Variants in LUZP2 observed in about 807,000 individuals in gnomAD.
LUZP2 encodes leucine zipper protein 2.
LUZP2 carries 52 observed loss-of-function variants against 51.6 expected under a neutral mutation model. The ratio of observed to expected loss-of-function variants is 1.01; its 90% CI spans 0.81 to 1.27. The LOEUF (loss-of-function observed/expected upper bound fraction) is 1.27. Ranked by LOEUF, LUZP2 falls within the 50% of genes most tolerant of loss-of-function variation. LUZP2 has a pLI of 0.00. For missense variants in LUZP2, 436 were observed against 395.4 expected, an observed-to-expected ratio of 1.10 and a Z score of -0.87; for synonymous variants, 154 against 137.3, an observed-to-expected ratio of 1.12 and a Z score of -0.85.
chr11:24,696,822 A>G (rs1266734374), intron 1 of LUZP2, among the ~76,000 whole-genome samples: 1 of 152,076 alleles, frequency 6.6e-6, no homozygotes, highest in Non-Finnish European at 1.5e-5. Context: ...AAAAAAAAAC[A>G]TGAGATTGGG....
intron 5 of LUZP2, among the ~76,000 whole-genome samples, chr11:24,778,067 A>G (rs1448748729): frequency 6.6e-6 from 1 of 152,070 alleles, no homozygotes; most frequent in African/African-American, 2.4e-5. Flanking sequence ...TAACTCATAG[A>G]AATGAGAGTT....
intron 5 of LUZP2, among the ~76,000 whole-genome samples, chr11:24,875,947 GTTGT>G (rs1401496662): frequency 1.2e-3 from 180 of 150,882 alleles, no homozygotes; most frequent in African/African-American, 4.2e-3. Flanking sequence ...TTTTGATGGG[GTTGT>G]TTGTTTTTTT....
chr11:24,713,268 T>C (rs1857907428), intron 1 of LUZP2, among the ~76,000 whole-genome samples: 1 of 152,166 alleles, frequency 6.6e-6, no homozygotes, highest in South Asian at 2.1e-4. Context: ...TATGATTTTC[T>C]TGTGGGCAGG....
intron 1 of LUZP2, among the ~76,000 whole-genome samples, chr11:24,562,539 C>T (rs1852079383): frequency 6.6e-6 from 1 of 151,618 alleles, no homozygotes; most frequent in Admixed American, 6.6e-5. Context: ...AGGGTAAGGA[C>T]CCATTAAATA....
At chr11:24,945,535 A>G (rs1047327563) in intron 7 of LUZP2, among the ~76,000 whole-genome samples, 2 of 145,308 alleles carry the variant, frequency 1.4e-5, no homozygotes, top group African/African-American at 5.1e-5. Context: ...TTTTTTTTCC[A>G]GTCCTACCTT....
At chr11:24,858,103 A>G (rs980174259) in intron 5 of LUZP2, among the ~76,000 whole-genome samples, 1 of 151,904 alleles carries the variant, frequency 6.6e-6, no homozygotes, top group Non-Finnish European at 1.5e-5. Flanking sequence ...CCCAGGGGGG[A>G]AGGAAAAAGC....
intron 1 of LUZP2, among the ~76,000 whole-genome samples, chr11:24,572,429 T>C (rs1852474539): frequency 6.6e-6 from 1 of 151,990 alleles, no homozygotes; most frequent in Non-Finnish European, 1.5e-5. Flanking sequence ...CTCCAAAGAC[T>C]CATTAGAGTT....
chr11:25,030,940 A>ATATGTATTATATATATAATATATAT (rs1565254696), intron 9 of LUZP2, among the ~76,000 whole-genome samples: 23 of 2,066 alleles, frequency 0.011, no homozygotes, highest in African/African-American at 0.044. Flanking sequence ...AATATATATT[A>ATATGTATTATATATATAATATATAT]TATATATTAT....
At chr11:24,950,246 A>T (rs1253771370) in intron 7 of LUZP2, among the ~76,000 whole-genome samples, 1 of 151,544 alleles carries the variant, frequency 6.6e-6, no homozygotes, top group African/African-American at 2.4e-5. Flanking sequence ...TGGATGAAGG[A>T]ATAAAAGAAA....
intron 9 of LUZP2, among the ~76,000 whole-genome samples, chr11:24,995,503 G>C (rs1364366223): frequency 6.6e-6 from 1 of 151,968 alleles, no homozygotes; most frequent in Non-Finnish European, 1.5e-5. Context: ...TCTTTCATCA[G>C]TATAAATTTA....
At chr11:24,545,108 C>G (rs921929905) in intron 1 of LUZP2, among the ~76,000 whole-genome samples, 1 of 149,496 alleles carries the variant, frequency 6.7e-6, no homozygotes, top group African/African-American at 2.4e-5. Flanking sequence ...CTGTTCATGT[C>G]CTTTGCCCAC....
intron 1 of LUZP2, among the ~76,000 whole-genome samples, chr11:24,637,623 C>T (rs1338671482): frequency 6.6e-6 from 1 of 151,696 alleles, no homozygotes; most frequent in Non-Finnish European, 1.5e-5. Context: ...TATGAACGGC[C>T]GCTCTAGGGG....
chr11:24,686,223 C>CA (rs56907734), intron 1 of LUZP2, among the ~76,000 whole-genome samples: 12,976 of 148,246 alleles, frequency 0.088, 848 homozygotes, highest in African/African-American at 0.19. Flanking sequence ...GTGAACTCTG[C>CA]AAAAAAAAAA....
At chr11:24,568,474 A>G (rs1450791096) in intron 1 of LUZP2, among the ~76,000 whole-genome samples, 1 of 152,008 alleles carries the variant, frequency 6.6e-6, no homozygotes, top group Non-Finnish European at 1.5e-5. Context: ...AAATTAATCT[A>G]TTAGGCAGAT....
intron 7 of LUZP2, among the ~76,000 whole-genome samples, chr11:24,964,200 C>G (rs1179894773): frequency 6.6e-6 from 1 of 152,122 alleles, no homozygotes; most frequent in East Asian, 1.9e-4. Flanking sequence ...AATTACTTAT[C>G]TCTTAGGATT....
chr11:24,568,824 C>T (rs1852332818), intron 1 of LUZP2, among the ~76,000 whole-genome samples: 1 of 151,874 alleles, frequency 6.6e-6, no homozygotes, highest in Admixed American at 6.6e-5. Context: ...TGTTAATTTT[C>T]TTTATTTGAT....
chr11:24,950,527 A>T (rs1297530073), intron 7 of LUZP2, among the ~76,000 whole-genome samples: 2 of 151,588 alleles, frequency 1.3e-5, no homozygotes, highest in African/African-American at 4.8e-5. Flanking sequence ...ATTATGAGGC[A>T]TGCAACCTCT....
At chr11:24,667,828 C>T (rs1856267213) in intron 1 of LUZP2, among the ~76,000 whole-genome samples, 1 of 152,200 alleles carries the variant, frequency 6.6e-6, no homozygotes, top group Non-Finnish European at 1.5e-5. Flanking sequence ...GAATTGACCC[C>T]TCAGCAATGA....
intron 5 of LUZP2, among the ~76,000 whole-genome samples, chr11:24,875,877 G>GT (rs1852242899): frequency 6.6e-6 from 1 of 151,922 alleles, no homozygotes; most frequent in African/African-American, 2.4e-5. Flanking sequence ...TTTTTCATGT[G>GT]TTTTTTGGCT....
Sources: allele counts gnomAD v4.1 joint callset (sites outside exome capture counted in the v4.1 genomes callset), GRCh38; gene constraint gnomAD v4.1.1; transcripts MANE v1.5; gene names NCBI Gene and HGNC (gene_info 2026-07-23, HGNC 2026-07-21).